SCGB1D1: variants seen among roughly 807,000 people sequenced by gnomAD.
The protein encoded by SCGB1D1 is lipophilin A (uteroglobin family member).
A neutral mutation model predicts 8.3 loss-of-function variants in SCGB1D1; 10 were observed. The ratio of observed to expected loss-of-function variants is 1.21; its 90% CI spans 0.74 to 2.05. SCGB1D1 has a LOEUF of 2.05. Among genes scored for constraint, SCGB1D1 ranks in the 30% most tolerant of loss-of-function variants. The probability of loss-of-function intolerance (pLI) is 0.00; values close to 1 mark genes in which losing one functional copy is unlikely to be tolerated. For synonymous variants in SCGB1D1, 46 were observed against 41.7 expected, an observed-to-expected ratio of 1.10 and a Z score of -0.39; for missense variants, 94 against 105.1, an observed-to-expected ratio of 0.89 and a Z score of 0.46.
Position 62,190,281 on chromosome 11 carries a change from C to T in SCGB1D1, c.-4C>T. 1 of 1,614,174 alleles carries T rather than the reference C, an allele frequency of 6.2e-7. No homozygotes were observed. On this transcript the variant is annotated 5_prime_UTR_variant, in exon 1 of 3. Transcript: ENST00000306238. ...AAGCCGAGCTCACAGCAGAATAAGC[C>T]ACCATGAGGCTGTCGGTGTGTCTCC...
intron 2 of SCGB1D1, among the ~76,000 whole-genome samples, chr11:62,192,591 G>A (rs1335418056): frequency 6.6e-6 from 1 of 152,260 alleles, no homozygotes; most frequent in Non-Finnish European, 1.5e-5. Flanking sequence ...CTGAGGCCAA[G>A]TGGACCTCAC....
intron 1 of SCGB1D1, among the ~76,000 whole-genome samples, chr11:62,190,783 C>T (rs1398891162): frequency 6.6e-6 from 1 of 152,150 alleles, no homozygotes; most frequent in Non-Finnish European, 1.5e-5. Context: ...GGATGTGAAG[C>T]CAATCACTGT....
intron 2 of SCGB1D1, among the ~76,000 whole-genome samples, chr11:62,192,959 C>T (rs1218815701): frequency 6.6e-6 from 1 of 152,210 alleles, no homozygotes; most frequent in Non-Finnish European, 1.5e-5. Flanking sequence ...TGCAAATGCT[C>T]ATGGAAGCTG....
Position 62,190,345 on chromosome 11 carries a change from T to G in SCGB1D1, c.55+6T>G. ...GGCCCTTTGCTGCTACCGGGGTGAG[T>G]ACATCAGTCATGAGTCCAGCACCAG... On this transcript the variant is annotated splice_donor_region_variant and intron_variant, in intron 1 of 2. Transcript: ENST00000306238. 1 of 1,613,944 alleles carries G rather than the reference T, an allele frequency of 6.2e-7. No individual in the cohort carries two copies. The highest frequency in any genetic ancestry group is 8.5e-7 in the Non-Finnish European group (1 of 1,179,960).
intron 2 of SCGB1D1, among the ~76,000 whole-genome samples, chr11:62,193,138 A>G (rs1032840335): frequency 1.3e-5 from 2 of 152,162 alleles, no homozygotes; most frequent in African/African-American, 4.8e-5. Context: ...GACAGCCCAG[A>G]CAATAACCTC....
chr11:62,193,323 C>T lies in SCGB1D1; in HGVS notation c.244-76C>T. On this transcript the variant is annotated intron_variant, in intron 2 of 2. Coordinates refer to ENST00000306238, the MANE Select transcript of SCGB1D1 (RefSeq NM_006552.2). Reference sequence around the variant, plus strand: ...TCTTTGGGAGCAGAATTCCATCGGCCACTTGGATGTTAACCTGTTGTCTCC... The same window carrying T: ...TCTTTGGGAGCAGAATTCCATCGGCTACTTGGATGTTAACCTGTTGTCTCC... 2.2e-6 allele frequency: 3 copies of T among 1,344,354 alleles called. No homozygotes were observed. In the South Asian group the frequency reaches 3.7e-5, roughly 17 times the overall value. 83.3% of individuals were successfully genotyped at this position (1,344,354 alleles called of 1,614,324 possible).
In SCGB1D1 at chr11:62,193,529, C is replaced by T. The variant is rs1424038748; in HGVS notation, c.*101C>T. ...TTCAACGTCTTGCTCTAATAAATCA[C>T]TTGCCCTGAACTTCTCCACTGGTCG... On this transcript the variant is annotated 3_prime_UTR_variant, in exon 3 of 3. Coordinates refer to ENST00000306238, the MANE Select transcript of SCGB1D1 (RefSeq NM_006552.2). The T allele has an allele frequency of 3.7e-6, 4 of 1,070,348 alleles. No homozygotes were observed. Among genetic ancestry groups the T allele is most frequent in the Non-Finnish European group, 5.6e-6 (4 of 719,870 alleles). The allele number at this position is 1,070,348 out of a possible 1,614,324, so 66.3% of individuals were successfully genotyped here. A position where few individuals can be genotyped will look rare whatever the true frequency, so the allele number is the denominator to read the frequency against.
At chr11:62,192,641 GAA>G (rs1284876559) in intron 2 of SCGB1D1, among the ~76,000 whole-genome samples, 1 of 152,180 alleles carries the variant, frequency 6.6e-6, no homozygotes, top group Admixed American at 6.5e-5. Context: ...TGGGAGCCTT[GAA>G]CAGGGAGAAG....
chr11:62,192,232 A>T lies in SCGB1D1; in HGVS notation c.232A>T (p.Thr78Ser), dbSNP rs1944683957. The change falls in exon 2 of 3, where the codon ACA becomes TCA. Residue 78 changes from threonine (T) to serine (S), a missense_variant. Thr to Ser is a moderately conservative substitution (Grantham distance 58, BLOSUM62 1). Transcript: ENST00000306238. Reference protein sequence around the residue: ...TMAYEKRVLITKTLGKIAEKC... With the variant: ...TMAYEKRVLISKTLGKIAEKC... ...GGCCTATGAGAAAAGAGTGCTAATT[A>T]CAAAAACATTGGTAATTTCTGTCTC... 3 of 1,605,378 alleles carry T rather than the reference A, an allele frequency of 1.9e-6. No individual in the cohort carries two copies. The highest frequency in any genetic ancestry group is 1.7e-6 in the Non-Finnish European group (2 of 1,173,708).
intron 1 of SCGB1D1, among the ~76,000 whole-genome samples, chr11:62,191,021 G>C (rs993372694): frequency 1.3e-5 from 2 of 152,184 alleles, no homozygotes; most frequent in African/African-American, 4.8e-5. Flanking sequence ...AATGGTGGTA[G>C]AAATACTACA....
In SCGB1D1 at chr11:62,193,490, C is replaced by A; in HGVS notation, c.*62C>A. ...TTCAATGATACCCTGATCTTCACTG[C>A]AGAATGTAAAGGTTTCAACGTCTTG... On this transcript the variant is annotated 3_prime_UTR_variant, in exon 3 of 3. Transcript: ENST00000306238. 1.4e-6 allele frequency: 2 copies of A among 1,400,756 alleles called. No homozygotes were observed. The highest frequency in any genetic ancestry group is 2.0e-6 in the Non-Finnish European group (2 of 991,804). 86.8% of individuals were successfully genotyped at this position (1,400,756 alleles called of 1,614,324 possible). A position where few individuals can be genotyped will look rare whatever the true frequency, so the allele number is the denominator to read the frequency against.
At chr11:62,192,488 C>A (rs1197903814) in intron 2 of SCGB1D1, among the ~76,000 whole-genome samples, 1 of 152,140 alleles carries the variant, frequency 6.6e-6, no homozygotes, top group Non-Finnish European at 1.5e-5. Context: ...ATGCCGTGTC[C>A]CCAGAGTGTG....
Position 62,192,073 on chromosome 11 carries a change from C to T in SCGB1D1, c.73C>T (p.Gln25Ter), listed in dbSNP as rs765940047. The T allele has an allele frequency of 6.2e-6, 10 of 1,607,352 alleles. No individual in the cohort carries two copies. Among genetic ancestry groups the T allele is most frequent in the Non-Finnish European group, 8.5e-6 (10 of 1,175,240 alleles). The change falls in exon 2 of 3, where the codon CAA (glutamine) becomes TAA (stop). Residue 25 changes from glutamine to a stop codon, truncating the protein, a stop_gained. Transcript: ENST00000306238. LOFTEE classifies it high-confidence loss of function. ...CCYRANAVVCQALGSEITGFL... is the reference protein window; with the variant it reads ...CCYRANAVVC ...TGCTCCAGCAAATGCAGTGGTCTGC[C>T]AAGCTCTTGGTTCTGAAATCACAGG...
intron 1 of SCGB1D1, among the ~76,000 whole-genome samples, chr11:62,190,812 C>T (rs2134719783): frequency 6.6e-6 from 1 of 152,284 alleles, no homozygotes; most frequent in Admixed American, 6.5e-5. Context: ...ACATTCTCGT[C>T]CCCAGACCTT....
rs760110178 is a variant in SCGB1D1, at chr11:62,192,069, C to A, written c.69C>A (p.Val23=). 46 of 1,604,420 alleles carry A rather than the reference C, an allele frequency of 2.9e-5. No homozygotes were observed. The highest frequency in any genetic ancestry group is 1.6e-4 in the African/African-American group (12 of 74,532). Residue 23 remains valine, a synonymous_variant, in exon 2 of 3, where the codon GTC becomes GTA. Transcript: ENST00000306238. ...CTTTTGCTCCAGCAAATGCAGTGGT[C>A]TGCCAAGCTCTTGGTTCTGAAATCA... is the stretch of plus-strand genomic sequence containing the variant. ...ALCCYRANAV[V]CQALGSEITG... is the part of the protein sequence containing the mutation.
chr11:62,191,435 C>T (rs1168168745), intron 1 of SCGB1D1, among the ~76,000 whole-genome samples: 6 of 152,206 alleles, frequency 3.9e-5, no homozygotes, highest in African/African-American at 1.4e-4. Flanking sequence ...GAATATGGGC[C>T]AAGTACAATT....
chr11:62,190,398 C>T (rs539751970), intron 1 of SCGB1D1, 59 bp downstream of exon 1: 42 of 1,604,834 alleles, frequency 2.6e-5, no homozygotes, highest in East Asian at 4.5e-5. Context: ...TCTCTGAGCA[C>T]GAGGTCACCT....
rs758145451 is a variant in SCGB1D1, at chr11:62,192,102, C to G, written c.102C>G (p.Phe34Leu). 6.2e-7 allele frequency: 1 copy of G among 1,613,070 alleles called. No individual in the cohort carries two copies. Among genetic ancestry groups the G allele is most frequent in the Non-Finnish European group, 8.5e-7 (1 of 1,179,174 alleles). The change falls in exon 2 of 3, where the codon TTC (phenylalanine) becomes TTG (leucine). Residue 34 changes from phenylalanine (F) to leucine (L), a missense_variant. Physicochemically the swap from Phe to Leu is conservative, Grantham distance 22 (BLOSUM62 0). Coordinates refer to ENST00000306238, the MANE Select transcript of SCGB1D1 (RefSeq NM_006552.2). Reference sequence around the variant, plus strand: ...CTCTTGGTTCTGAAATCACAGGCTTCTTATTAGCTGGAAAACCTGTGTTCA... The same window carrying G: ...CTCTTGGTTCTGAAATCACAGGCTTGTTATTAGCTGGAAAACCTGTGTTCA... ...CQALGSEITG[F>L]LLAGKPVFKF...
rs1235899910 is a variant in SCGB1D1, at chr11:62,190,440, C to T, written c.55+101C>T. The stretch of plus-strand genomic sequence containing the variant: ...GTTAAGGTTGGGGTCTGGAACAAAC[C>T]AAAATTCCAAACCTTATCCTGTGCT... On this transcript the variant is annotated intron_variant, in intron 1 of 2. Transcript: ENST00000306238. 2.1e-6 allele frequency: 3 copies of T among 1,412,308 alleles called. No individual in the cohort carries two copies. The East Asian group carries it at 7.0e-5, about 33-fold the overall frequency. The allele number at this position is 1,412,308 out of a possible 1,614,324, so 87.5% of individuals were successfully genotyped here.
Sources: allele counts gnomAD v4.1 joint callset (sites outside exome capture counted in the v4.1 genomes callset), GRCh38; gene constraint gnomAD v4.1.1; transcripts MANE v1.5; gene names NCBI Gene and HGNC (gene_info 2026-07-23, HGNC 2026-07-21).